TP63: variants seen among roughly 807,000 people sequenced by gnomAD.
The protein encoded by TP63 is tumor protein p63.
In TP63, 17 loss-of-function variants were observed where a neutral mutation model predicts 82.8. That is an observed-to-expected ratio of 0.21 (90% CI 0.14 to 0.31). The LOEUF is 0.31. TP63 is among the 10% of genes least tolerant of loss of function. The pLI is 1.00. For synonymous variants in TP63, 330 were observed against 321.7 expected (o/e 1.03, Z -0.28); for missense variants, 648 against 895.3 (o/e 0.72, Z 3.52).
At chr3:189,690,631 C>T (rs1472601781) in intron 1 of TP63, among the ~76,000 whole-genome samples, 3 of 152,256 alleles carry the variant, frequency 2.0e-5, no homozygotes, top group Admixed American at 6.5e-5. Context: ...AACTGAGTGG[C>T]TCAAGAAGGA....
chr3:189,772,213 T>C (rs1723429237), intron 3 of TP63, among the ~76,000 whole-genome samples: 1 of 152,214 alleles, frequency 6.6e-6, no homozygotes, highest in Non-Finnish European at 1.5e-5. Flanking sequence ...CATAACCTAA[T>C]GCTCTATTCA....
chr3:189,623,994 C>T, the TP63 span, among the ~76,000 whole-genome samples: 5 of 152,132 alleles, frequency 3.3e-5, no homozygotes, highest in South Asian at 2.1e-4. Flanking sequence ...AAATTCATGG[C>T]GCTTTAGCAC....
At chr3:189,817,622 A>T (rs1273896974) in intron 4 of TP63, among the ~76,000 whole-genome samples, 2 of 152,106 alleles carry the variant, frequency 1.3e-5, no homozygotes, top group Non-Finnish European at 2.9e-5. Context: ...TATCATAACG[A>T]TGCTTACAAT....
At chr3:189,794,020 C>G (rs1450787978) in intron 3 of TP63, among the ~76,000 whole-genome samples, 4 of 152,066 alleles carry the variant, frequency 2.6e-5, no homozygotes, top group African/African-American at 9.6e-5. Flanking sequence ...AATCTTATTC[C>G]TAATCTTAAG....
intron 1 of TP63, among the ~76,000 whole-genome samples, chr3:189,727,857 T>C (rs1425198098): frequency 6.6e-6 from 1 of 152,220 alleles, no homozygotes; most frequent in Non-Finnish European, 1.5e-5. Context: ...AGCATGCATG[T>C]TACTGTGTTT....
intron 1 of TP63, among the ~76,000 whole-genome samples, chr3:189,669,630 A>G (rs1714720047): frequency 6.6e-6 from 1 of 152,092 alleles, no homozygotes; most frequent in Non-Finnish European, 1.5e-5. Context: ...ACTATACCCC[A>G]TAAGCTTATT....
chr3:189,619,331 G>T, the TP63 span, among the ~76,000 whole-genome samples: 2 of 152,140 alleles, frequency 1.3e-5, no homozygotes, highest in East Asian at 3.9e-4. Context: ...AGGAAAGGGT[G>T]GTCCATCTCC....
At chr3:189,760,465 G>A (rs138394182) in intron 3 of TP63, among the ~76,000 whole-genome samples, 1 of 152,336 alleles carries the variant, frequency 6.6e-6, no homozygotes, top group Non-Finnish European at 1.5e-5. Flanking sequence ...AAATCTTCAA[G>A]CTCCAAAATG....
At chr3:189,597,928 C>CA in the TP63 span, among the ~76,000 whole-genome samples, 278 of 130,890 alleles carry the variant, frequency 2.1e-3, no homozygotes, top group Middle Eastern at 0.011. Context: ...GACCCTGCCT[C>CA]AAAAAAAAAA....
In TP63 at chr3:189,647,626, C is replaced by A. The variant is rs951055873; in HGVS notation, c.62+16049C>A. 2.0e-5 allele frequency among the ~76,000 whole-genome samples: 3 copies of A among 146,400 alleles called. 1 individual carries two copies. The highest frequency in any genetic ancestry group is 4.5e-5 in the Non-Finnish European group (3 of 67,194). ...GATATCTCTCAGGAAACCTGACATCCCTTTTTTCAGTTACGTCATGCTATA... is the reference window on the plus strand; with the variant it reads ...GATATCTCTCAGGAAACCTGACATCACTTTTTTCAGTTACGTCATGCTATA... On this transcript the variant is annotated intron_variant, in intron 1 of 13. Coordinates refer to ENST00000264731, the MANE Select transcript of TP63 (RefSeq NM_003722.5).
chr3:189,771,879 T>C (rs1723407338), intron 3 of TP63, among the ~76,000 whole-genome samples: 1 of 152,218 alleles, frequency 6.6e-6, no homozygotes, highest in Non-Finnish European at 1.5e-5. Context: ...TGACCCTGTT[T>C]AATATTTGTA....
chr3:189,825,592 A>G (rs1167088438), intron 4 of TP63, among the ~76,000 whole-genome samples: 1 of 152,244 alleles, frequency 6.6e-6, no homozygotes, highest in Non-Finnish European at 1.5e-5. Context: ...ATGGACGTCA[A>G]TAAGAAAGAA....
In TP63 at chr3:189,868,735, C is replaced by G. The variant is rs751872863; in HGVS notation, c.1129+19C>G. The G allele has an allele frequency of 6.2e-7, 1 of 1,613,668 alleles. No homozygotes were observed. The highest frequency in any genetic ancestry group is 8.5e-7 in the Non-Finnish European group (1 of 1,179,850). Reference sequence around the variant, plus strand: ...AAGCGCCGTAAGTAGATGTAGTGGCCAAATGGGGTAGGGTTGAATCTTCTC... The same window carrying G: ...AAGCGCCGTAAGTAGATGTAGTGGCGAAATGGGGTAGGGTTGAATCTTCTC... On this transcript the variant is annotated intron_variant, in intron 8 of 13. Transcript: ENST00000264731.
At chr3:189,734,031 CTTTTCTTTCT>C (rs1463557226) in intron 1 of TP63, among the ~76,000 whole-genome samples, 2 of 151,742 alleles carry the variant, frequency 1.3e-5, no homozygotes, top group Admixed American at 6.6e-5. Context: ...TCCTTTCTTT[CTTTTCTTTCT>C]TTTTCTTTCT....
Position 189,848,410 on chromosome 3 carries a change from A to T in TP63, c.580-15822A>T, listed in dbSNP as rs138079518. Among the ~76,000 whole-genome samples the T allele has an allele frequency of 4.2e-3, 641 of 151,050 alleles. 6 individuals carry two copies. Among genetic ancestry groups the T allele is most frequent in the African/African-American group, 0.015 (608 of 41,036 alleles). On this transcript the variant is annotated intron_variant, in intron 4 of 13. Coordinates refer to ENST00000264731, the MANE Select transcript of TP63 (RefSeq NM_003722.5). ...TTTTTTTTTAATTTTGTATAGGCAG[A>T]GTCTTCTTGTATTGCCCAGACTGGT...
chr3:189,878,854 C>T (rs1301088549), intron 10 of TP63, among the ~76,000 whole-genome samples: 2 of 107,850 alleles, frequency 1.9e-5, no homozygotes, highest in Admixed American at 1.9e-4. Flanking sequence ...GTCTCAAACC[C>T]CTGACCTTGT....
chr3:189,653,859 T>G (rs1713099531), intron 1 of TP63, among the ~76,000 whole-genome samples: 1 of 152,212 alleles, frequency 6.6e-6, no homozygotes, highest in Non-Finnish European at 1.5e-5. Flanking sequence ...GTTTAAGGGA[T>G]TAAATCTAAA....
At chr3:189,728,846 A>G (rs1719956873) in intron 1 of TP63, among the ~76,000 whole-genome samples, 1 of 152,148 alleles carries the variant, frequency 6.6e-6, no homozygotes, top group Non-Finnish European at 1.5e-5. Flanking sequence ...CCCATGATCC[A>G]ATTACTTCCT....
At chr3:189,690,706 C>CTTAGCTGTTT (rs1324043427) in intron 1 of TP63, among the ~76,000 whole-genome samples, 2 of 152,142 alleles carry the variant, frequency 1.3e-5, no homozygotes, top group African/African-American at 4.8e-5. Context: ...TATTTACATG[C>CTTAGCTGTTT]TTAGCTGTTT....
Sources: allele counts gnomAD v4.1 joint callset (sites outside exome capture counted in the v4.1 genomes callset), GRCh38; gene constraint gnomAD v4.1.1; transcripts MANE v1.5; gene names NCBI Gene and HGNC (gene_info 2026-07-23, HGNC 2026-07-21).